Variants in NBN observed in about 807,000 individuals in gnomAD.
The protein encoded by NBN is nibrin.
NBN carries 88 observed loss-of-function variants against 90.8 expected under a neutral mutation model. The ratio of observed to expected loss-of-function variants is 0.97; its 90% confidence interval spans 0.82 to 1.16. The LOEUF (loss-of-function observed/expected upper bound fraction) is 1.16, where lower values mean the gene tolerates loss of function less well. Among genes scored for constraint, NBN ranks in the 50% most tolerant of loss-of-function variants. The pLI is 0.00. For missense variants in NBN, 894 were observed against 869.6 expected, an observed-to-expected ratio of 1.03 and a Z score of -0.35; for synonymous variants, 328 against 295.1, an observed-to-expected ratio of 1.11 and a Z score of -1.14.
chr8:89,968,926 A>G (rs1805825), intron 7 of NBN, among the ~76,000 whole-genome samples: 6,368 of 152,334 alleles, frequency 0.042, 184 homozygotes, highest in South Asian at 0.099. Context: ...GTTATATAGT[A>G]TATCTTCTTT....
intron 8 of NBN, among the ~76,000 whole-genome samples, chr8:89,959,915 T>C (rs1448056123): frequency 7.9e-5 from 12 of 152,226 alleles, no homozygotes; most frequent in Non-Finnish European, 1.8e-4. Flanking sequence ...AGAAAAATGC[T>C]TGGAACATAG....
chr8:89,970,028 C>A (rs996201919), intron 7 of NBN, among the ~76,000 whole-genome samples: 2 of 151,900 alleles, frequency 1.3e-5, no homozygotes, highest in Non-Finnish European at 2.9e-5. Flanking sequence ...GCAGGAGGAT[C>A]ACCTGAGGTC....
chr8:89,970,005 T>G (rs1811429116), intron 7 of NBN, among the ~76,000 whole-genome samples: 2 of 150,046 alleles, frequency 1.3e-5, no homozygotes, highest in Non-Finnish European at 3.0e-5. Flanking sequence ...TCCCAGCACT[T>G]TGGGAGACTG....
At chr8:89,941,376 G>A (rs542454203) in intron 14 of NBN, among the ~76,000 whole-genome samples, 1 of 152,122 alleles carries the variant, frequency 6.6e-6, no homozygotes, top group Admixed American at 6.5e-5. Context: ...AGGCTAGGTG[G>A]GAGGAAGTAC....
intron 7 of NBN, among the ~76,000 whole-genome samples, chr8:89,968,538 G>T (rs13275276): frequency 0.31 from 46,834 of 151,916 alleles, 7,471 homozygotes; most frequent in East Asian, 0.45. Flanking sequence ...TATAGGTTGA[G>T]GATTAAATGT....
At chr8:89,977,652 T>C (rs1230569777) in intron 5 of NBN, among the ~76,000 whole-genome samples, 3 of 152,222 alleles carry the variant, frequency 2.0e-5, no homozygotes, top group African/African-American at 4.8e-5. Flanking sequence ...ATCACCACAC[T>C]GTCTTCCATA....
chr8:89,951,311 C>CAAAAAAA (rs71268296), intron 11 of NBN, among the ~76,000 whole-genome samples: 1 of 68,274 alleles, frequency 1.5e-5, no homozygotes. Context: ...GACTCTGTCT[C>CAAAAAAA]AAAAAAAAAA....
At chr8:89,948,717 A>G (rs1810312070) in intron 11 of NBN, among the ~76,000 whole-genome samples, 1 of 152,256 alleles carries the variant, frequency 6.6e-6, no homozygotes, top group African/African-American at 2.4e-5. Flanking sequence ...CAGAGTAAAG[A>G]GGATATTTTA....
Position 89,935,619 on chromosome 8 carries a change from A to G in NBN, c.2235-7T>C. The G allele has an allele frequency of 6.2e-7, 1 of 1,606,172 alleles. No individual in the cohort carries two copies. Among genetic ancestry groups the G allele is most frequent in the Non-Finnish European group, 8.5e-7 (1 of 1,173,716 alleles). On this transcript the variant is annotated splice_region_variant and splice_polypyrimidine_tract_variant and intron_variant, in intron 15 of 15. Coordinates refer to ENST00000265433, the MANE Select transcript of NBN (RefSeq NM_002485.5). ...TTTTAAATAAGGATTGTATCTGCAA[A>G]GAAAGAAATGGGGTTAAATGATATT...
chr8:89,959,999 T>C (rs561787160), intron 8 of NBN, among the ~76,000 whole-genome samples: 1 of 152,320 alleles, frequency 6.6e-6, no homozygotes, highest in Non-Finnish European at 1.5e-5. Context: ...GTTAGACTGG[T>C]GTATCCTTGA....
chr8:89,954,235 C>T (rs1303398153), intron 10 of NBN, among the ~76,000 whole-genome samples: 2 of 152,122 alleles, frequency 1.3e-5, no homozygotes, highest in Non-Finnish European at 2.9e-5. Flanking sequence ...ACACTTTATG[C>T]AAACTGTACT....
At chr8:89,982,353 G>C in intron 2 of NBN, 1 of 316,554 alleles carries the variant, frequency 3.2e-6, no homozygotes, top group Non-Finnish European at 6.0e-6. Flanking sequence ...TCGCAGGGTT[G>C]GCACAGTTAC....
At chr8:89,955,229 TA>T (rs1810640110) in intron 10 of NBN, 53 bp downstream of exon 10, 8 of 1,529,048 alleles carry the variant, frequency 5.2e-6, no homozygotes, top group South Asian at 3.4e-5. Flanking sequence ...TACAACAGTA[TA>T]AAAAACTTTC....
At position 89,980,864 on chromosome 8, in the gene NBN, G is replaced by C. The variant is rs1060503468; in HGVS notation, c.350C>G (p.Ser117Cys). 1.9e-6 allele frequency: 3 copies of C among 1,612,488 alleles called. No individual in the cohort carries two copies. Among genetic ancestry groups the C allele is most frequent in the Non-Finnish European group, 2.5e-6 (3 of 1,179,008 alleles). Residue 117 changes from serine to cysteine, a missense_variant, in exon 4 of 16, where the codon TCT becomes TGT. Coordinates refer to ENST00000265433, the MANE Select transcript of NBN (RefSeq NM_002485.5). ...TTTCCCAGAGACATCTAAACAAGAA[G>C]AGCATGCAACCAAAGGCTCATACTC... ...RIEYEPLVAC[S>C]SCLDVSGKTA...
chr8:89,944,272 C>G (rs1047569237), intron 13 of NBN, among the ~76,000 whole-genome samples: 4 of 152,160 alleles, frequency 2.6e-5, no homozygotes, highest in Admixed American at 2.6e-4. Flanking sequence ...GGAGGCAAAA[C>G]TCCTTATCTG....
rs768851314 is a variant in NBN, at chr8:89,935,545, A to G, written c.*37T>C. The G allele has an allele frequency of 2.2e-5, 36 of 1,609,448 alleles. No homozygotes were observed. Among genetic ancestry groups the G allele is most frequent in the Non-Finnish European group, 3.1e-5 (36 of 1,176,802 alleles). On this transcript the variant is annotated 3_prime_UTR_variant, in exon 16 of 16. Coordinates refer to ENST00000265433, the MANE Select transcript of NBN (RefSeq NM_002485.5). ...TGTTGGCCTGAAGTAGATGCTTACTAGGAAGTTTTTCCATGGCTTCTTTTT... is the reference window on the plus strand; with the variant it reads ...TGTTGGCCTGAAGTAGATGCTTACTGGGAAGTTTTTCCATGGCTTCTTTTT...
intron 1 of NBN, 168 bp downstream of exon 1, chr8:89,984,357 T>C (rs1338017084): frequency 1.4e-6 from 1 of 694,212 alleles, no homozygotes; most frequent in Admixed American, 2.4e-5. Context: ...GCCGCCGTGC[T>C]GCCCGGGAAG....
chr8:89,962,200 G>A (rs1811020115), intron 8 of NBN, among the ~76,000 whole-genome samples: 1 of 152,080 alleles, frequency 6.6e-6, no homozygotes, highest in African/African-American at 2.4e-5. Flanking sequence ...ATGCATCCCA[G>A]AATGTTCTGA....
intron 11 of NBN, among the ~76,000 whole-genome samples, chr8:89,951,020 G>A (rs964127541): frequency 2.6e-5 from 4 of 151,736 alleles, no homozygotes; most frequent in African/African-American, 9.7e-5. Context: ...GGAATTTAAG[G>A]GAAAAAAAGT....
Sources: allele counts gnomAD v4.1 joint callset (sites outside exome capture counted in the v4.1 genomes callset), GRCh38; gene constraint gnomAD v4.1.1; transcripts MANE v1.5; gene names NCBI Gene and HGNC (gene_info 2026-07-23, HGNC 2026-07-21).